Variants in HTR2C observed in about 807,000 individuals in gnomAD.
The protein encoded by HTR2C is 5-hydroxytryptamine receptor 2C.
In HTR2C, 5 loss-of-function variants were observed where a neutral mutation model predicts 21.0. The observed-to-expected ratio is 0.24, with a 90% CI of 0.12 to 0.50. HTR2C has a LOEUF of 0.50. Ranked by LOEUF, HTR2C falls within the 20% of genes least tolerant of loss-of-function variation. The probability of loss-of-function intolerance (pLI) is 0.98; values close to 1 mark genes in which losing one functional copy is unlikely to be tolerated. For synonymous variants in HTR2C, 150 were observed against 145.3 expected (o/e 1.03, Z -0.23); for missense variants, 271 against 371.2 (o/e 0.73, Z 2.22).
At chrX:114,834,244 C>T (rs1188646324) in intron 4 of HTR2C, among the ~76,000 whole-genome samples, 2 of 109,724 alleles carry the variant, frequency 1.8e-5, no homozygotes, top group African/African-American at 3.3e-5. Context: ...GAGTTCAATT[C>T]CTGGGTATCC....
At chrX:114,774,084 A>G (rs2070031993) in intron 4 of HTR2C, among the ~76,000 whole-genome samples, 1 of 112,413 alleles carries the variant, frequency 8.9e-6, no homozygotes, top group Admixed American at 9.4e-5. Context: ...ACTGAACAAA[A>G]CACAGTGGGA....
chrX:114,855,550 A>G (rs1316196886), intron 5 of HTR2C, among the ~76,000 whole-genome samples: 1 of 110,244 alleles, frequency 9.1e-6, no homozygotes, highest in Non-Finnish European at 1.9e-5. Flanking sequence ...CATTGGCAGC[A>G]AATAGCATCT....
intron 2 of HTR2C, among the ~76,000 whole-genome samples, chrX:114,705,179 A>G (rs782172870): frequency 1.7e-3 from 189 of 109,043 alleles, no homozygotes; most frequent in African/African-American, 5.8e-3. Context: ...GCTACCAAGG[A>G]CTTTCTTCAC....
At chrX:114,772,819 T>C (rs2070019130) in intron 4 of HTR2C, among the ~76,000 whole-genome samples, 1 of 111,757 alleles carries the variant, frequency 8.9e-6, no homozygotes, top group South Asian at 3.8e-4. Context: ...TACTTTGGGA[T>C]GCCAGACTCT....
At chrX:114,774,706 G>C in intron 4 of HTR2C, 1 of 293,184 alleles carries the variant, frequency 3.4e-6, no homozygotes, top group Non-Finnish European at 6.0e-6. Context: ...CAAGTATTGA[G>C]AATTCCTAGT....
chrX:114,753,987 T>C (rs1290595739), intron 4 of HTR2C, among the ~76,000 whole-genome samples: 2 of 111,704 alleles, frequency 1.8e-5, no homozygotes, highest in Non-Finnish European at 3.8e-5. Context: ...GTCTTTCTCC[T>C]TGGCTTTGTA....
At chrX:114,756,127 A>ACC (rs200735387) in intron 4 of HTR2C, among the ~76,000 whole-genome samples, 1 of 104,399 alleles carries the variant, frequency 9.6e-6, no homozygotes, top group Non-Finnish European at 2.0e-5. Flanking sequence ...ATACAAAACA[A>ACC]CCCCCCCCAA....
rs2070479698 is a variant in HTR2C at position 114,807,324 on chromosome X, A to ATG, written c.350-40678_350-40677insGT. ...TGTATATACACCATATATCTATACCATATATATACACCATGTATCTATACC... is the reference window on the plus strand; with the variant it reads ...TGTATATACACCATATATCTATACCATGTATATATACACCATGTATCTATACC... On this transcript the variant is annotated intron_variant, in intron 4 of 5. Coordinates refer to ENST00000276198, the MANE Select transcript of HTR2C (RefSeq NM_000868.4). Among the ~76,000 whole-genome samples the ATG allele has an allele frequency of 4.8e-5, 2 of 41,488 alleles. 1 individual carries two copies. Among genetic ancestry groups the ATG allele is most frequent in the African/African-American group, 1.4e-4 (2 of 14,105 alleles). The allele number at this position is 41,488 out of a possible 115,157, so 36.0% of individuals were successfully genotyped here.
At chrX:114,771,676 G>C (rs1251084973) in intron 4 of HTR2C, among the ~76,000 whole-genome samples, 2 of 111,582 alleles carry the variant, frequency 1.8e-5, no homozygotes, top group African/African-American at 3.3e-5. Flanking sequence ...CCCTTATGTT[G>C]GTCCTTTTGC....
intron 2 of HTR2C, among the ~76,000 whole-genome samples, chrX:114,709,778 C>T (rs1236994458): frequency 1.8e-5 from 2 of 111,375 alleles, no homozygotes; most frequent in African/African-American, 6.5e-5. Flanking sequence ...TTCCTTTCTT[C>T]ATGCCTGCCT....
intron 1 of HTR2C, among the ~76,000 whole-genome samples, chrX:114,612,605 C>G (rs1395311080): frequency 8.9e-6 from 1 of 112,217 alleles, no homozygotes; most frequent in Admixed American, 9.4e-5. Context: ...GTTTTAGTAT[C>G]TGTGGATGAA....
At chrX:114,891,477 A>G (rs138741809) in intron 5 of HTR2C, among the ~76,000 whole-genome samples, 1,395 of 110,039 alleles carry the variant, frequency 0.013, 19 homozygotes, top group African/African-American at 0.042. Flanking sequence ...TGTCCCCCAC[A>G]TTGTGCAACA....
intron 2 of HTR2C, among the ~76,000 whole-genome samples, chrX:114,625,135 G>A (rs1331324653): frequency 3.6e-5 from 4 of 111,368 alleles, no homozygotes; most frequent in Non-Finnish European, 5.7e-5. Flanking sequence ...CTCCCTCCCC[G>A]CACCTTCTCT....
chrX:114,833,229 A>T (rs1290132456), intron 4 of HTR2C, among the ~76,000 whole-genome samples: 3 of 102,410 alleles, frequency 2.9e-5, no homozygotes, highest in Non-Finnish European at 6.0e-5. Flanking sequence ...TGACTTAGGG[A>T]GGATTCCCTC....
At chrX:114,607,811 G>C (rs151034219) in intron 1 of HTR2C, among the ~76,000 whole-genome samples, 3,545 of 110,716 alleles carry the variant, frequency 0.032, 150 homozygotes, top group African/African-American at 0.11. Context: ...GGCCAACTTG[G>C]TGAAACCCCA....
chrX:114,874,539 C>T (rs938931460), intron 5 of HTR2C, among the ~76,000 whole-genome samples: 30 of 109,447 alleles, frequency 2.7e-4, no homozygotes, highest in Non-Finnish European at 4.9e-4. Flanking sequence ...GGCGAAGTCT[C>T]GTTCTGTTAC....
At chrX:114,758,024 T>C (rs1013227787) in intron 4 of HTR2C, among the ~76,000 whole-genome samples, 4 of 110,945 alleles carry the variant, frequency 3.6e-5, no homozygotes, top group East Asian at 2.8e-4. Flanking sequence ...CCACATACCA[T>C]GTAATCCTAT....
intron 2 of HTR2C, among the ~76,000 whole-genome samples, chrX:114,657,390 A>G (rs1339266370): frequency 9.0e-6 from 1 of 111,005 alleles, no homozygotes; most frequent in African/African-American, 3.3e-5. Context: ...CTACTTTTCT[A>G]TTTGGTTGCA....
intron 2 of HTR2C, among the ~76,000 whole-genome samples, chrX:114,726,538 T>TCC (rs1933494608): frequency 8.9e-6 from 1 of 112,429 alleles, no homozygotes; most frequent in South Asian, 3.7e-4. Context: ...CTTGAGAAGT[T>TCC]TTTGAAGAAT....
Sources: allele counts gnomAD v4.1 joint callset (sites outside exome capture counted in the v4.1 genomes callset), GRCh38; gene constraint gnomAD v4.1.1; transcripts MANE v1.5; gene names NCBI Gene and HGNC (gene_info 2026-07-23, HGNC 2026-07-21).